RPS6KA2: variants seen among roughly 807,000 people sequenced by gnomAD.
RPS6KA2 encodes ribosomal protein S6 kinase A2, also known as ribosomal protein S6 kinase alpha-2.
Under a neutral mutation model 91.8 loss-of-function variants are expected in RPS6KA2, and 42 were observed. The observed-to-expected ratio is 0.46, with a 90% CI of 0.36 to 0.59. RPS6KA2 has a LOEUF of 0.59. Among genes scored for constraint, RPS6KA2 ranks in the 20% least tolerant of loss-of-function variants. The probability of loss-of-function intolerance (pLI) is 0.00; values close to 1 mark genes in which losing one functional copy is unlikely to be tolerated. For missense variants in RPS6KA2, 798 were observed against 978.5 expected (o/e 0.82, Z 2.46); for synonymous variants, 414 against 393.6 (o/e 1.05, Z -0.61).
chr6:166,513,580 T>C (rs1323043858), intron 3 of RPS6KA2, among the ~76,000 whole-genome samples: 1 of 152,204 alleles, frequency 6.6e-6, no homozygotes, highest in Non-Finnish European at 1.5e-5. Flanking sequence ...CCTGCCCCGC[T>C]CCACTGGGTG....
intron 2 of RPS6KA2, among the ~76,000 whole-genome samples, chr6:166,534,047 T>C (rs1583250758): frequency 6.6e-6 from 1 of 151,596 alleles, no homozygotes; most frequent in Admixed American, 6.6e-5. Context: ...ATGGTGAAAC[T>C]CCGTCTCTAC....
Position 166,626,307 on chromosome 6 carries a change from G to GA in RPS6KA2, c.99+613dup, listed in dbSNP as rs1208458866. ...TGGGAGTACTCTGGGTTTTCAGGAC[G>GA]AATCTGTATCAGCCTCGGCGCTGCG... On this transcript the variant is annotated intron_variant, in intron 1 of 20. Transcript: ENST00000265678. This position sits in a 1 kb window ranked among gnomAD's most constrained non-coding sequence, Gnocchi z 4.1. 1.3e-5 allele frequency among the ~76,000 whole-genome samples: 2 copies of GA among 152,340 alleles called. No individual in the cohort carries two copies. The highest frequency in any genetic ancestry group is 4.8e-5 in the African/African-American group (2 of 41,590).
At chr6:166,631,148 C>T (rs1457520328), upstream of RPS6KA2, among the ~76,000 whole-genome samples, 1 of 152,180 alleles carries the variant, frequency 6.6e-6, no homozygotes, top group African/African-American at 2.4e-5. Flanking sequence ...AATCTCTGAG[C>T]ATATCGAAAA....
At chr6:166,855,450 G>C (rs9348197) in intron 2 of RPS6KA2, among the ~76,000 whole-genome samples, 2 of 60,338 alleles carry the variant, frequency 3.3e-5, no homozygotes, top group Non-Finnish European at 9.3e-5. Context: ...AAGAAGAAGA[G>C]GAAGAAGAAG....
intron 2 of RPS6KA2, among the ~76,000 whole-genome samples, chr6:166,748,166 T>C (rs1255497667): frequency 2.0e-5 from 3 of 151,876 alleles, no homozygotes; most frequent in South Asian, 2.1e-4. Context: ...TTCTGAAAAA[T>C]GGAAATTAGC....
At chr6:166,782,836 G>A (rs138263532) in intron 2 of RPS6KA2, among the ~76,000 whole-genome samples, 6 of 152,134 alleles carry the variant, frequency 3.9e-5, no homozygotes, top group African/African-American at 1.4e-4. Context: ...AAATGCACTC[G>A]TCAGTTCTAA....
chr6:166,621,852 A>G (rs1786648798), intron 1 of RPS6KA2, among the ~76,000 whole-genome samples: 1 of 152,190 alleles, frequency 6.6e-6, no homozygotes, highest in African/African-American at 2.4e-5. Flanking sequence ...CTGAAGCTAC[A>G]GCCCTAAAGC....
At chr6:166,787,187 G>T (rs1489329680) in intron 2 of RPS6KA2, among the ~76,000 whole-genome samples, 1 of 152,156 alleles carries the variant, frequency 6.6e-6, no homozygotes, top group African/African-American at 2.4e-5. Context: ...AAAGACTGAT[G>T]TATGTGGATG....
chr6:166,672,997 G>T (rs1788515232), intron 2 of RPS6KA2, among the ~76,000 whole-genome samples: 1 of 152,180 alleles, frequency 6.6e-6, no homozygotes, highest in African/African-American at 2.4e-5. Context: ...AGCCTGACCT[G>T]CAGGCTCTGG....
intron 2 of RPS6KA2, among the ~76,000 whole-genome samples, chr6:166,681,596 G>A (rs1229949524): frequency 2.0e-5 from 3 of 151,754 alleles, no homozygotes; most frequent in Non-Finnish European, 4.4e-5. Context: ...TGCCCCGAAG[G>A]GAAAACTGTT....
At chr6:166,672,910 C>T (rs1363721485) in intron 2 of RPS6KA2, among the ~76,000 whole-genome samples, 3 of 152,162 alleles carry the variant, frequency 2.0e-5, no homozygotes, top group East Asian at 1.9e-4. Flanking sequence ...AAGGAGGCTC[C>T]GCACTCTTCC....
At chr6:166,777,690 A>G (rs1778661635) in intron 2 of RPS6KA2, among the ~76,000 whole-genome samples, 1 of 152,252 alleles carries the variant, frequency 6.6e-6, no homozygotes, top group South Asian at 2.1e-4. Context: ...AGATAGTATA[A>G]ATCTCTACAG....
intron 3 of RPS6KA2, among the ~76,000 whole-genome samples, chr6:166,518,361 A>C (rs1442115524): frequency 6.6e-6 from 1 of 152,156 alleles, no homozygotes; most frequent in Non-Finnish European, 1.5e-5. Flanking sequence ...TATGGAAGAA[A>C]TAACACAGTA....
intron 1 of RPS6KA2, among the ~76,000 whole-genome samples, chr6:166,582,068 A>C (rs7753774): frequency 1.1e-3 from 14 of 13,124 alleles, no homozygotes; most frequent in East Asian, 3.1e-3. Flanking sequence ...CCAGGGAGAG[A>C]TGAGATGGGG....
intron 2 of RPS6KA2, among the ~76,000 whole-genome samples, chr6:166,641,670 A>C (rs1022012120): frequency 7.8e-6 from 1 of 128,796 alleles, no homozygotes; most frequent in Non-Finnish European, 1.6e-5. Flanking sequence ...CAGTGAGCCG[A>C]GATCACACCA....
chr6:166,489,019 AC>A, intron 9 of RPS6KA2, 98 bp from the exon 10 acceptor site: 1 of 1,014,032 alleles, frequency 9.9e-7, no homozygotes, highest in Non-Finnish European at 1.5e-6. Flanking sequence ...AATCGCAGTC[AC>A]CCAGAGCAGC....
intron 16 of RPS6KA2, among the ~76,000 whole-genome samples, chr6:166,425,214 TTTTC>T (rs987668910): frequency 6.6e-5 from 10 of 152,284 alleles, no homozygotes; most frequent in Non-Finnish European, 1.0e-4. Flanking sequence ...ACACAGTCCT[TTTTC>T]TTTGTCTTCT....
chr6:166,475,702 G>A (rs1780947286), intron 10 of RPS6KA2: 2 of 500,260 alleles, frequency 4.0e-6, no homozygotes, highest in African/African-American at 4.0e-5. Flanking sequence ...ACGAAGGCAG[G>A]GGGATTCAGT....
chr6:166,701,497 T>C, intron 2 of RPS6KA2: 1 of 1,277,802 alleles, frequency 7.8e-7, no homozygotes. Flanking sequence ...ATCTGGTGCT[T>C]CCACTGGAGC....
Sources: gnomAD v4.1 joint callset for allele counts (sites outside exome capture counted in the v4.1 genomes callset) on GRCh38, gnomAD v4.1.1 for gene constraint, Gnocchi (gnomAD v3.1) non-coding constraint, MANE v1.5 for transcripts, NCBI Gene and HGNC (gene_info 2026-07-23, HGNC 2026-07-21) for gene names.